The following FAM200B variants were observed in gnomAD, a reference collection of about 807,000 sequenced individuals.
FAM200B encodes the protein protein FAM200B.
FAM200B carries 32 observed loss-of-function variants against 33.1 expected under a neutral mutation model. The observed-to-expected ratio is 0.97, with a 90% CI of 0.73 to 1.30. The LOEUF (loss-of-function observed/expected upper bound fraction) is 1.30, where lower values mean the gene tolerates loss of function less well. FAM200B is among the 50% of genes most tolerant of loss of function. The pLI is 0.00. For synonymous variants in FAM200B, 240 were observed against 264.8 expected, an observed-to-expected ratio of 0.91 and a Z score of 0.91; for missense variants, 741 against 754.0, an observed-to-expected ratio of 0.98 and a Z score of 0.20.
chr4:15,681,744 G>A (rs1040497518), upstream of FAM200B: 2 of 153,128 alleles, frequency 1.3e-5, no homozygotes, highest in Non-Finnish European at 2.9e-5. Flanking sequence ...TGCGCAGAGG[G>A]CCGATCCAGT....
chr4:15,641,624 T>C, the FAM200B span: 4 of 455,586 alleles, frequency 8.8e-6, no homozygotes, highest in East Asian at 6.9e-5. Flanking sequence ...TCAACAGTAG[T>C]AGGCTGTAAG....
the FAM200B span, among the ~76,000 whole-genome samples, chr4:15,674,206 T>G: frequency 1.0e-4 from 12 of 114,372 alleles, no homozygotes; most frequent in Admixed American, 7.0e-4. Flanking sequence ...TGCATCGTGT[T>G]TTTTTTTTTT....
Position 15,689,000 on chromosome 4 carries a change from G to A in FAM200B, c.*49G>A, listed in dbSNP as rs1013922002. On this transcript the variant is annotated 3_prime_UTR_variant, in exon 2 of 2. Transcript: ENST00000422728. ...TTGTCTTTGTATTTCTTATTTTGTA[G>A]TATTTTTCTATGTTATATTTAAATG... The A allele has an allele frequency of 7.6e-7, 1 of 1,322,216 alleles. No individual in the cohort carries two copies. The highest frequency in any genetic ancestry group is 9.9e-7 in the Non-Finnish European group (1 of 1,010,658). The allele number at this position is 1,322,216 out of a possible 1,614,324, so 81.9% of individuals were successfully genotyped here. A position where few individuals can be genotyped will look rare whatever the true frequency, so the allele number is the denominator to read the frequency against.
intron 1 of FAM200B, 22 bp from the exon 2 acceptor site, chr4:15,686,214 T>C (rs1030998872): frequency 1.3e-5 from 2 of 152,166 alleles, no homozygotes; most frequent in Non-Finnish European, 2.9e-5. Context: ...CTTTAATGTC[T>C]TATCTCTGGT....
chr4:15,676,129 C>G, the FAM200B span, among the ~76,000 whole-genome samples: 4 of 152,272 alleles, frequency 2.6e-5, no homozygotes, highest in African/African-American at 9.6e-5. Context: ...CAGAGCAACC[C>G]AGCTTATGGA....
At chr4:15,670,697 C>T in the FAM200B span, among the ~76,000 whole-genome samples, 1 of 111,460 alleles carries the variant, frequency 9.0e-6, no homozygotes, top group African/African-American at 3.2e-5. Flanking sequence ...TCTTTTATAA[C>T]CCTTGAAAAA....
Position 15,688,662 on chromosome 4 carries a change from T to A in FAM200B, c.1685T>A (p.Leu562Ter), listed in dbSNP as rs1719120274. ...TTGGTGCCTGAAGAAGAGAATGAAT[T>A]ATTGCAGCTTAGTTCTTCATATACA... The part of the protein sequence containing the change: ...LNLVPEEENE[L>*]LQLSSSYTLK... Residue 562 changes from leucine to a stop codon, truncating the protein, a stop_gained, in exon 2 of 2, where the codon TTA becomes TAA. Coordinates refer to ENST00000422728, the MANE Select transcript of FAM200B (RefSeq NM_001145191.2). LOFTEE classifies it high-confidence loss of function. The A allele has an allele frequency of 6.4e-7, 1 of 1,551,408 alleles. No homozygotes were observed.
the FAM200B span, among the ~76,000 whole-genome samples, chr4:15,674,203 TG>T: frequency 1.5e-5 from 2 of 131,504 alleles, no homozygotes; most frequent in African/African-American, 2.9e-5. Flanking sequence ...AAATGCATCG[TG>T]TTTTTTTTTT....
At chr4:15,672,925 A>G in the FAM200B span, among the ~76,000 whole-genome samples, 1 of 152,104 alleles carries the variant, frequency 6.6e-6, no homozygotes, top group South Asian at 2.1e-4. Flanking sequence ...ATTTATTTTT[A>G]CGAGACACAA....
chr4:15,669,013 A>G, the FAM200B span, among the ~76,000 whole-genome samples: 1 of 152,238 alleles, frequency 6.6e-6, no homozygotes, highest in East Asian at 1.9e-4. Flanking sequence ...TAAGCTGCAT[A>G]ACACTTGTAG....
the FAM200B span, among the ~76,000 whole-genome samples, chr4:15,650,517 T>C: frequency 1.3e-5 from 2 of 152,168 alleles, no homozygotes; most frequent in Non-Finnish European, 2.9e-5. Flanking sequence ...CAGTAAAATA[T>C]AAAGGTTCCT....
Position 15,688,190 on chromosome 4 carries a change from A to AT in FAM200B, c.1215dup (p.His406SerfsTer6). The stretch of plus-strand genomic sequence containing the variant: ...CAGGGTTTATGAGCTCAGGAATGAG[A>AT]TTCACTTTTTTCTCATTGAAAAAAA... On this transcript the variant is annotated frameshift_variant, in exon 2 of 2. Coordinates refer to ENST00000422728, the MANE Select transcript of FAM200B (RefSeq NM_001145191.2). LOFTEE classifies it high-confidence loss of function. 1 of 1,551,170 alleles carries AT rather than the reference A, an allele frequency of 6.4e-7. No individual in the cohort carries two copies. The highest frequency in any genetic ancestry group is 8.7e-7 in the Non-Finnish European group (1 of 1,146,710).
upstream of FAM200B, among the ~76,000 whole-genome samples, chr4:15,680,888 A>C (rs187800798): frequency 4.0e-5 from 6 of 149,496 alleles, no homozygotes; most frequent in Non-Finnish European, 7.4e-5. Flanking sequence ...ATGTCAACCC[A>C]AAAAAATAAA....
chr4:15,639,888 G>A, the FAM200B span, among the ~76,000 whole-genome samples: 2 of 152,292 alleles, frequency 1.3e-5, no homozygotes, highest in African/African-American at 4.8e-5. Context: ...CTGATTTACA[G>A]CTGAACAGGT....
chr4:15,644,487 ACTTAC>A, the FAM200B span: 1 of 1,601,304 alleles, frequency 6.2e-7, no homozygotes. Context: ...CATTTTTGCA[ACTTAC>A]CTTAACATTC....
In FAM200B at chr4:15,688,192, T is replaced by A. The variant is rs750969232; in HGVS notation, c.1215T>A (p.Ile405=). ...GGGTTTATGAGCTCAGGAATGAGAT[T>A]CACTTTTTTCTCATTGAAAAAAAAT... The part of the protein sequence containing the change: ...LSRVYELRNE[I]HFFLIEKKSH... The change falls in exon 2 of 2, where the codon ATT becomes ATA. Residue 405 remains isoleucine (I), a synonymous_variant. Coordinates refer to ENST00000422728, the MANE Select transcript of FAM200B (RefSeq NM_001145191.2). The A allele has an allele frequency of 6.4e-7, 1 of 1,551,116 alleles. No individual in the cohort carries two copies. The highest frequency in any genetic ancestry group is 8.7e-7 in the Non-Finnish European group (1 of 1,146,682).
rs1718326548 is a variant in FAM200B, at chr4:15,681,916, G to C, written c.-743+15G>C. The C allele has an allele frequency of 6.5e-6, 1 of 153,146 alleles. No individual in the cohort carries two copies. The highest frequency in any genetic ancestry group is 2.1e-4 in the South Asian group (1 of 4,874). The allele number at this position is 153,146 out of a possible 1,614,324, so 9.5% of individuals were successfully genotyped here. On this transcript the variant is annotated intron_variant, in intron 1 of 1. Coordinates refer to ENST00000422728, the MANE Select transcript of FAM200B (RefSeq NM_001145191.2). The stretch of plus-strand genomic sequence containing the variant: ...CTGGGCTGGAGGTGAGGCGAAAGAA[G>C]GGCATCCTCTGATGGGAGTGGACCG...
chr4:15,640,834 T>A, the FAM200B span: 3 of 1,568,834 alleles, frequency 1.9e-6, no homozygotes, highest in East Asian at 2.4e-5. Flanking sequence ...TGTAAAAGCC[T>A]CCAATCTCTC....
At chr4:15,638,404 A>G in the FAM200B span, 1 of 704,268 alleles carries the variant, frequency 1.4e-6, no homozygotes, top group Non-Finnish European at 2.2e-6. Flanking sequence ...ACCACAGTGC[A>G]GGCCTAACTT....
Sources: allele counts gnomAD v4.1 joint callset (sites outside exome capture counted in the v4.1 genomes callset), GRCh38; gene constraint gnomAD v4.1.1; transcripts MANE v1.5; gene names NCBI Gene and HGNC (gene_info 2026-07-23, HGNC 2026-07-21).